EDA2R: variants seen among roughly 807,000 people sequenced by gnomAD.
EDA2R encodes tumor necrosis factor receptor superfamily member 27.
In EDA2R, 26 loss-of-function variants were observed where a neutral mutation model predicts 20.1. The observed-to-expected ratio is 1.30, with a 90% CI of 0.95 to 1.80. EDA2R has a LOEUF of 1.80. Among genes scored for constraint, EDA2R ranks in the 40% most tolerant of loss-of-function variants. The probability of loss-of-function intolerance (pLI) is 0.00; values close to 1 mark genes in which losing one functional copy is unlikely to be tolerated. For missense variants in EDA2R, 277 were observed against 228.7 expected, an observed-to-expected ratio of 1.21 and a Z score of -1.36; for synonymous variants, 114 against 88.7, an observed-to-expected ratio of 1.29 and a Z score of -1.60.
rs976018454 is a variant in EDA2R, at chrX:66,604,437, G to A, written c.336C>T (p.Pro112=). The part of the protein sequence containing the change: ...QECIPCTKQT[P]TSEVQCAFQL... ...GGTACACACATTGAACCTCAGAGGT[G>A]GGGGTCTGCTTCGTGCACGGGATGC... Residue 112 remains proline (P), a synonymous_variant, in exon 4 of 7, where the codon CCC becomes CCT. Transcript: ENST00000374719. 1 of 1,208,733 alleles carries A rather than the reference G, an allele frequency of 8.3e-7. No homozygotes were observed. Among genetic ancestry groups the A allele is most frequent in the Admixed American group, 2.2e-5 (1 of 45,939 alleles).
chrX:66,611,471 A>C (rs983768241), intron 2 of EDA2R, among the ~76,000 whole-genome samples: 19 of 112,124 alleles, frequency 1.7e-4, no homozygotes, highest in Non-Finnish European at 3.2e-4. Flanking sequence ...TAAAAATAGA[A>C]AATCTCATCA....
intron 5 of EDA2R, among the ~76,000 whole-genome samples, chrX:66,601,930 A>G (rs750935694): frequency 9.0e-6 from 1 of 111,487 alleles, no homozygotes; most frequent in African/African-American, 3.3e-5. Flanking sequence ...TGTTACTGTG[A>G]CTTTAAATAT....
chrX:66,615,852 T>A, intron 2 of EDA2R, 82 bp downstream of exon 2: 3 of 747,487 alleles, frequency 4.0e-6, no homozygotes, highest in Non-Finnish European at 4.1e-6. Context: ...TAGGGCTGAC[T>A]CCCCTAATCT....
chrX:66,609,709 A>G (rs1294507015), intron 2 of EDA2R, among the ~76,000 whole-genome samples: 1 of 112,002 alleles, frequency 8.9e-6, no homozygotes, highest in Non-Finnish European at 1.9e-5. Flanking sequence ...TGTCAATCCA[A>G]TTGGAAATAA....
intron 1 of EDA2R, among the ~76,000 whole-genome samples, chrX:66,637,880 G>T (rs1049489597): frequency 3.6e-5 from 4 of 111,927 alleles, no homozygotes; most frequent in African/African-American, 1.3e-4. Context: ...AAAGGGAGAA[G>T]TAATTTTATT....
chrX:66,619,192 T>C (rs1159434985), intron 1 of EDA2R, among the ~76,000 whole-genome samples: 7 of 111,768 alleles, frequency 6.3e-5, no homozygotes, highest in African/African-American at 2.3e-4. Context: ...GATGCCACTA[T>C]AGCAGTTTCC....
chrX:66,615,870 T>C (rs1452967532), intron 2 of EDA2R, 64 bp downstream of exon 2: 1 of 981,164 alleles, frequency 1.0e-6, no homozygotes, highest in Non-Finnish European at 1.4e-6. Flanking sequence ...TCTTGGCCTC[T>C]TTCAGTTGCC....
At chrX:66,616,949 C>T (rs776068137) in intron 1 of EDA2R, among the ~76,000 whole-genome samples, 20 of 112,186 alleles carry the variant, frequency 1.8e-4, no homozygotes, top group Non-Finnish European at 3.8e-4. Context: ...AAGAGCTATA[C>T]AAAATAAGAC....
At chrX:66,607,287 T>C (rs1274229402) in intron 2 of EDA2R, among the ~76,000 whole-genome samples, 1 of 112,328 alleles carries the variant, frequency 8.9e-6, no homozygotes, top group African/African-American at 3.2e-5. Flanking sequence ...TTTTAACTTT[T>C]AGCATTCAAT....
chrX:66,598,656 A>C lies in EDA2R; in HGVS notation c.*11-563T>G, dbSNP rs1270872446. ...AGGTACCTAAGTTGATTGATTTGAC[A>C]TCAGTTATAACTTTCAAATTTGATA... On this transcript the variant is annotated intron_variant, in intron 6 of 6. Coordinates refer to ENST00000374719, the MANE Select transcript of EDA2R (RefSeq NM_021783.5). Among the ~76,000 whole-genome samples the C allele has an allele frequency of 4.4e-5, 5 of 112,372 alleles. No homozygotes were observed. In the East Asian group the frequency reaches 1.4e-3, roughly 31 times the overall value.
At chrX:66,632,419 A>C (rs1243937572) in intron 1 of EDA2R, among the ~76,000 whole-genome samples, 1 of 100,832 alleles carries the variant, frequency 9.9e-6, no homozygotes, top group Non-Finnish European at 2.0e-5. Context: ...TTCTCAAACA[A>C]AGAAGAAGAA....
chrX:66,620,965 CAAAAA>C (rs376190384), intron 1 of EDA2R, among the ~76,000 whole-genome samples: 2 of 55,303 alleles, frequency 3.6e-5, no homozygotes, highest in Non-Finnish European at 7.0e-5. Flanking sequence ...TATCCACTAC[CAAAAA>C]AAAAAAAAAA....
chrX:66,616,762 T>G (rs769775289), intron 1 of EDA2R, among the ~76,000 whole-genome samples: 56 of 112,441 alleles, frequency 5.0e-4, no homozygotes, highest in African/African-American at 1.7e-3. Context: ...AGCATTGAAG[T>G]GGGATGGCTG....
chrX:66,607,770 A>T lies in EDA2R; in HGVS notation c.88-2544T>A, dbSNP rs140188350. Among the ~76,000 whole-genome samples, 745 of 112,083 alleles carry T rather than the reference A, an allele frequency of 6.6e-3. 4 individuals are homozygous for T. The highest frequency in any genetic ancestry group is 0.023 in the African/African-American group (724 of 30,879). ...ATCTGACTACCAGAGTTACTTCATTACAATACAAAACTGCCCAGTTTTTAA... is the reference window on the plus strand; with the variant it reads ...ATCTGACTACCAGAGTTACTTCATTTCAATACAAAACTGCCCAGTTTTTAA... On this transcript the variant is annotated intron_variant, in intron 2 of 6. Coordinates refer to ENST00000374719, the MANE Select transcript of EDA2R (RefSeq NM_021783.5).
intron 4 of EDA2R, among the ~76,000 whole-genome samples, chrX:66,603,070 C>T (rs1179814360): frequency 8.9e-6 from 1 of 111,734 alleles, no homozygotes; most frequent in South Asian, 3.7e-4. Context: ...ATTATATAAT[C>T]CAGATCAATG....
chrX:66,628,357 A>T (rs1933330526), intron 1 of EDA2R, among the ~76,000 whole-genome samples: 1 of 111,129 alleles, frequency 9.0e-6, no homozygotes, highest in Non-Finnish European at 1.9e-5. Context: ...TGAAATTGAA[A>T]CAACAACAAA....
At chrX:66,632,672 G>C (rs1933953651) in intron 1 of EDA2R, among the ~76,000 whole-genome samples, 1 of 111,027 alleles carries the variant, frequency 9.0e-6, no homozygotes, top group Non-Finnish European at 1.9e-5. Flanking sequence ...TAAGGGATGA[G>C]TAATGTGTCA....
At chrX:66,613,752 T>C (rs900382156) in intron 2 of EDA2R, among the ~76,000 whole-genome samples, 9 of 111,961 alleles carry the variant, frequency 8.0e-5, no homozygotes, top group African/African-American at 2.9e-4. Context: ...ACGCATTATT[T>C]AGCTTGGCAA....
intron 6 of EDA2R, among the ~76,000 whole-genome samples, chrX:66,598,679 A>T (rs1927903403): frequency 8.9e-6 from 1 of 112,270 alleles, no homozygotes; most frequent in Admixed American, 9.4e-5. Flanking sequence ...TTCAAATTTG[A>T]TATCAGTTAT....
Sources: allele counts gnomAD v4.1 joint callset (sites outside exome capture counted in the v4.1 genomes callset), GRCh38; gene constraint gnomAD v4.1.1; transcripts MANE v1.5; gene names NCBI Gene and HGNC (gene_info 2026-07-23, HGNC 2026-07-21).